The following RASSF3 variants were observed in gnomAD, a reference collection of about 807,000 sequenced individuals.
RASSF3 encodes Ras association domain family member 3.
A neutral mutation model predicts 19.9 loss-of-function variants in RASSF3; 19 were observed. The ratio of observed to expected loss-of-function variants is 0.96; its 90% CI spans 0.67 to 1.40. The LOEUF (loss-of-function observed/expected upper bound fraction) is 1.40. Among genes scored for constraint, RASSF3 ranks in the 40% most tolerant of loss-of-function variants. The pLI, the probability that RASSF3 is intolerant of heterozygous loss-of-function variation, is 0.00. For synonymous variants in RASSF3, 110 were observed against 104.2 expected (o/e 1.06, Z -0.34); for missense variants, 306 against 289.8 (o/e 1.06, Z -0.41).
chr12:64,668,254 C>T (rs2136204057), intron 1 of RASSF3, among the ~76,000 whole-genome samples: 1 of 112,668 alleles, frequency 8.9e-6, no homozygotes, highest in East Asian at 2.3e-4. Context: ...CTTACCAATC[C>T]TTTTCTTCTT....
intron 1 of RASSF3, among the ~76,000 whole-genome samples, chr12:64,660,681 A>T (rs571125782): frequency 6.6e-6 from 1 of 152,350 alleles, no homozygotes; most frequent in South Asian, 2.1e-4. Flanking sequence ...AGTGGCTAAA[A>T]TAATGTATAC....
chr12:64,582,726 C>T (rs966111297), intron 2 of RASSF3, among the ~76,000 whole-genome samples: 12 of 152,262 alleles, frequency 7.9e-5, no homozygotes, highest in Middle Eastern at 3.4e-3. Context: ...AAGTACCCTG[C>T]GGTGTGCTTC....
chr12:64,508,893 C>CAA (rs1868309679), intron 1 of RASSF3, among the ~76,000 whole-genome samples: 1 of 150,200 alleles, frequency 6.7e-6, no homozygotes, highest in African/African-American at 2.5e-5. Context: ...TCTCAAAAAA[C>CAA]AAAAACAAAA....
chr12:64,530,823 AT>A (rs1464441675), upstream of RASSF3, among the ~76,000 whole-genome samples: 1 of 152,136 alleles, frequency 6.6e-6, no homozygotes, highest in Admixed American at 6.5e-5. Context: ...GACTAATAAT[AT>A]TGAGCATCTT....
intron 1 of RASSF3, among the ~76,000 whole-genome samples, chr12:64,642,386 C>A (rs1375955964): frequency 8.6e-5 from 13 of 151,164 alleles, no homozygotes; most frequent in South Asian, 6.3e-4. Context: ...ATGGTGAAAC[C>A]CTGTCTCTAC....
At chr12:64,664,053 G>C (rs999466417) in intron 1 of RASSF3, among the ~76,000 whole-genome samples, 20 of 152,230 alleles carry the variant, frequency 1.3e-4, no homozygotes, top group African/African-American at 4.8e-4. Context: ...AATTAGTCAG[G>C]CATTAACATT....
At position 64,684,015 on chromosome 12, in the gene RASSF3, T is replaced by TGA. The variant is rs1334797399; in HGVS notation, c.112-771_112-770insAG. Among the ~76,000 whole-genome samples, 479 of 58,482 alleles carry TGA rather than the reference T, an allele frequency of 8.2e-3. 3 individuals are homozygous for TGA. Among genetic ancestry groups the TGA allele is most frequent in the African/African-American group, 0.019 (467 of 24,566 alleles). The allele number at this position is 58,482 out of a possible 152,430, so 38.4% of individuals were successfully genotyped here. A position where few individuals can be genotyped will look rare whatever the true frequency, so the allele number is the denominator to read the frequency against. On this transcript the variant is annotated intron_variant, in intron 1 of 4. Coordinates refer to ENST00000542104, the MANE Select transcript of RASSF3 (RefSeq NM_178169.4). ...GAGAGAGAGAGAGAGAGAGAGTGAG[T>TGA]GTGTGTGTGTGTGTGTGTGTGTTTC...
chr12:64,522,337 C>A (rs572146923), intron 1 of RASSF3, among the ~76,000 whole-genome samples: 2 of 152,178 alleles, frequency 1.3e-5, no homozygotes, highest in South Asian at 4.2e-4. Context: ...TATTTTCCTC[C>A]CAGCTCCTGC....
chr12:64,555,361 A>T (rs1869238869), intron 2 of RASSF3, among the ~76,000 whole-genome samples: 1 of 152,240 alleles, frequency 6.6e-6, no homozygotes, highest in South Asian at 2.1e-4. Flanking sequence ...CTATGGGTAT[A>T]CACCACTGTG....
At chr12:64,594,369 G>A (rs1256266488) in intron 2 of RASSF3, among the ~76,000 whole-genome samples, 2 of 152,060 alleles carry the variant, frequency 1.3e-5, no homozygotes, top group African/African-American at 4.8e-5. Flanking sequence ...GCATGTAGTA[G>A]CCTAGTACTT....
intron 2 of RASSF3, among the ~76,000 whole-genome samples, chr12:64,570,682 C>T (rs560447807): frequency 1.3e-5 from 2 of 152,294 alleles, no homozygotes; most frequent in East Asian, 1.9e-4. Context: ...TAGCTGCCTG[C>T]GTTTCCCCCA....
At chr12:64,585,674 G>C (rs1404645003) in intron 2 of RASSF3, among the ~76,000 whole-genome samples, 1 of 148,650 alleles carries the variant, frequency 6.7e-6, no homozygotes, top group Non-Finnish European at 1.5e-5. Context: ...GCATAATCAC[G>C]GCTCATTCCA....
At chr12:64,545,900 C>A (rs936898627), downstream of RASSF3, among the ~76,000 whole-genome samples, 13 of 151,938 alleles carry the variant, frequency 8.6e-5, no homozygotes, top group African/African-American at 2.7e-4. Context: ...GAGAGACCAT[C>A]CTGGCTAACA....
At chr12:64,589,022 A>G (rs1196321610) in intron 2 of RASSF3, among the ~76,000 whole-genome samples, 11 of 152,372 alleles carry the variant, frequency 7.2e-5, no homozygotes, top group Non-Finnish European at 1.3e-4. Flanking sequence ...AAATTATAAG[A>G]AAACCTGAAG....
chr12:64,594,555 T>C (rs542376345), intron 2 of RASSF3, among the ~76,000 whole-genome samples: 43 of 152,278 alleles, frequency 2.8e-4, no homozygotes, highest in African/African-American at 9.6e-4. Flanking sequence ...AATTTTGAGG[T>C]AGCCTCAAAA....
intron 1 of RASSF3, among the ~76,000 whole-genome samples, chr12:64,674,075 A>C (rs906488498): frequency 1.3e-5 from 2 of 152,192 alleles, no homozygotes; most frequent in Admixed American, 1.3e-4. Context: ...TCTTATTAAC[A>C]TGCTGGGCCT....
intron 2 of RASSF3, among the ~76,000 whole-genome samples, chr12:64,686,811 A>T (rs1360846386): frequency 1.3e-5 from 2 of 152,202 alleles, no homozygotes; most frequent in African/African-American, 4.8e-5. Context: ...TGGGTGAGAG[A>T]GTGAGACCCT....
At chr12:64,631,536 A>AATGTATGTATGT (rs10532504) in intron 1 of RASSF3, among the ~76,000 whole-genome samples, 102 of 146,570 alleles carry the variant, frequency 7.0e-4, no homozygotes, top group East Asian at 3.7e-3. Context: ...CATCGTATGT[A>AATGTATGTATGT]ATGTATGTAT....
chr12:64,606,472 C>G (rs973949140), upstream of RASSF3, among the ~76,000 whole-genome samples: 1 of 152,032 alleles, frequency 6.6e-6, no homozygotes, highest in Admixed American at 6.6e-5. Context: ...TACAGTAAAC[C>G]AAAGAAAATA....
Sources: gnomAD v4.1 joint callset for allele counts (sites outside exome capture counted in the v4.1 genomes callset) on GRCh38, gnomAD v4.1.1 for gene constraint, MANE v1.5 for transcripts, NCBI Gene and HGNC (gene_info 2026-07-23, HGNC 2026-07-21) for gene names.